Variants in NR2E3 observed in about 807,000 individuals in gnomAD.
NR2E3 encodes photoreceptor-specific nuclear receptor.
NR2E3 carries 38 observed loss-of-function variants against 37.6 expected under a neutral mutation model. That is an observed-to-expected ratio of 1.01 (90% CI 0.78 to 1.33). The LOEUF (loss-of-function observed/expected upper bound fraction) is 1.33, where lower values mean the gene tolerates loss of function less well. Ranked by LOEUF, NR2E3 falls within the 40% of genes most tolerant of loss-of-function variation. NR2E3 has a pLI of 0.00. For missense variants in NR2E3, 562 were observed against 558.7 expected (o/e 1.01, Z -0.06); for synonymous variants, 235 against 225.1 (o/e 1.04, Z -0.39).
At position 71,811,375 on chromosome 15, in the gene NR2E3, G is replaced by A; in HGVS notation, c.119-108G>A. 1.9e-6 allele frequency: 2 copies of A among 1,044,088 alleles called. No individual in the cohort carries two copies. Among genetic ancestry groups the A allele is most frequent in the Non-Finnish European group, 2.8e-6 (2 of 720,204 alleles). 64.7% of individuals were successfully genotyped at this position (1,044,088 alleles called of 1,614,324 possible). The stretch of plus-strand genomic sequence containing the variant: ...CACGCGTGGGTTCGTTCAAATGCGG[G>A]TGAGCGGGGCCTGAGGACTGGGAAA... On this transcript the variant is annotated intron_variant, in intron 1 of 7. Coordinates refer to ENST00000617575, the MANE Select transcript of NR2E3 (RefSeq NM_014249.4). This position sits in a 1 kb window ranked among gnomAD's most constrained non-coding sequence, Gnocchi z 5.6.
chr15:71,814,717 C>T (rs866686021), intron 7 of NR2E3: 1 of 986,804 alleles, frequency 1.0e-6, no homozygotes, highest in Non-Finnish European at 1.2e-6. Context: ...GAGGGTCATA[C>T]ACAGGGCTGG....
rs145338958 is a variant in NR2E3, at chr15:71,813,152, C to A, written c.748-237C>A. ...CTGCCCAACTTCCAATGGCTCTGGG[C>A]GTTCCTAAATGTCCCAGCTGCAGCT... On this transcript the variant is annotated intron_variant, in intron 5 of 7. Transcript: ENST00000617575. The surrounding 1 kb of genome is among the most constrained non-coding windows in gnomAD (Gnocchi z 4.7). Among the ~76,000 whole-genome samples the A allele has an allele frequency of 6.6e-6, 1 of 152,184 alleles. No homozygotes were observed. Among genetic ancestry groups the A allele is most frequent in the Non-Finnish European group, 1.5e-5 (1 of 68,038 alleles).
chr15:71,810,585 G>T lies in NR2E3; in HGVS notation c.-159G>T. 9.1e-7 allele frequency: 1 copy of T among 1,093,060 alleles called. No individual in the cohort carries two copies. The highest frequency in any genetic ancestry group is 1.3e-6 in the Non-Finnish European group (1 of 776,466). The allele number at this position is 1,093,060 out of a possible 1,614,324, so 67.7% of individuals were successfully genotyped here. On this transcript the variant is annotated 5_prime_UTR_variant, in exon 1 of 8. Transcript: ENST00000617575. ...CTCCTCAAGCCAGAGCCTGTGCTGT[G>T]AGGGGCTTCGGGACCTTGGGGCAGC...
chr15:71,812,547 G>C, intron 5 of NR2E3, 36 bp downstream of exon 5: 1 of 1,563,720 alleles, frequency 6.4e-7, no homozygotes, highest in Non-Finnish European at 8.7e-7. Flanking sequence ...AGCTAGGCTG[G>C]GCTGGGGTCA....
In NR2E3 at chr15:71,813,227, C is replaced by T. The variant is rs1290996477; in HGVS notation, c.748-162C>T. On this transcript the variant is annotated intron_variant, in intron 5 of 7. Coordinates refer to ENST00000617575, the MANE Select transcript of NR2E3 (RefSeq NM_014249.4). The surrounding 1 kb of genome is among the most constrained non-coding windows in gnomAD (Gnocchi z 4.7). ...TGATAGGCAGCTGAGCCGGATGGTG[C>T]CAAATCCCAGAGCTCTGAGCCTCTG... is the stretch of plus-strand genomic sequence containing the variant. Among the ~76,000 whole-genome samples the T allele has an allele frequency of 6.6e-6, 1 of 152,190 alleles. No homozygotes were observed.
rs886051453 is a variant in NR2E3 at position 71,817,785 on chromosome 15, T to C, written c.*101T>C. The C allele has an allele frequency of 2.7e-6, 3 of 1,113,520 alleles. No homozygotes were observed. In the Admixed American group the frequency reaches 6.8e-5, roughly 25 times the overall value. 69.0% of individuals were successfully genotyped at this position (1,113,520 alleles called of 1,614,324 possible). ...CCCAGCAATTCCTCGTAGGTGTGTG[T>C]ACCCAGCAGAAATGCCCACCGAAAG... On this transcript the variant is annotated 3_prime_UTR_variant, in exon 8 of 8. Transcript: ENST00000617575.
intron 4 of NR2E3, 76 bp downstream of exon 4, chr15:71,812,252 G>C: frequency 6.2e-7 from 1 of 1,609,702 alleles, no homozygotes; most frequent in Non-Finnish European, 8.5e-7. Context: ...GCCTTGCCTT[G>C]ATCCTCCCTC....
Position 71,814,120 on chromosome 15 carries a change from G to T in NR2E3, c.1100+3G>T. 6.2e-7 allele frequency: 1 copy of T among 1,609,088 alleles called. No individual in the cohort carries two copies. Among genetic ancestry groups the T allele is most frequent in the Non-Finnish European group, 8.5e-7 (1 of 1,179,570 alleles). ...CACCACCCCAGCCAGCCCGTGAGGTGACCTGAGCATGCGCCCACCCACTCA... is the reference window on the plus strand; with the variant it reads ...CACCACCCCAGCCAGCCCGTGAGGTTACCTGAGCATGCGCCCACCCACTCA... On this transcript the variant is annotated splice_donor_region_variant and intron_variant, in intron 7 of 7. Transcript: ENST00000617575.
rs771928643 is a variant in NR2E3, at chr15:71,810,810, G to C, written c.67G>C (p.Ala23Pro). 34 of 1,574,020 alleles carry C rather than the reference G, an allele frequency of 2.2e-5. No individual in the cohort carries two copies. Among genetic ancestry groups the C allele is most frequent in the Non-Finnish European group, 2.8e-5 (33 of 1,160,276 alleles). The stretch of plus-strand genomic sequence containing the variant: ...TGCAGCTGCGCCTGCAGCTGGGGCT[G>C]CCTCCAGGAAGGAGTCTCCAGGCAG... ...VAAAAPAAGA[A>P]SRKESPGRWG... The change falls in exon 1 of 8, where the codon GCC becomes CCC. Residue 23 changes from alanine (A) to proline (P), a missense_variant. By Grantham distance (27) the Ala-to-Pro change is conservative. Coordinates refer to ENST00000617575, the MANE Select transcript of NR2E3 (RefSeq NM_014249.4).
chr15:71,812,297 A>G (rs773352588), intron 4 of NR2E3, 39 bp from the exon 5 acceptor site: 2 of 1,613,504 alleles, frequency 1.2e-6, no homozygotes, highest in Non-Finnish European at 1.7e-6. Flanking sequence ...CCACCTCCCG[A>G]GAAGCAGGCG....
Position 71,817,915 on chromosome 15 carries a change from A to G in NR2E3, c.*231A>G, listed in dbSNP as rs185349250. On this transcript the variant is annotated 3_prime_UTR_variant, in exon 8 of 8. Transcript: ENST00000617575. ...GTGGTATATTCATATAATGAAAAAT[A>G]ATTTAAAAAGAATGAATTACGGATA... 445 of 353,286 alleles carry G rather than the reference A, an allele frequency of 1.3e-3. 1 individual carries two copies. The highest frequency in any genetic ancestry group is 2.9e-3 in the Admixed American group (70 of 24,000). The allele number at this position is 353,286 out of a possible 1,614,324, so 21.9% of individuals were successfully genotyped here. A position where few individuals can be genotyped will look rare whatever the true frequency, so the allele number is the denominator to read the frequency against.
Position 71,813,048 on chromosome 15 carries a change from G to A in NR2E3, c.748-341G>A, listed in dbSNP as rs1287869880. Among the ~76,000 whole-genome samples, 1 of 152,196 alleles carries A rather than the reference G, an allele frequency of 6.6e-6. No individual in the cohort carries two copies. Among genetic ancestry groups the A allele is most frequent in the Non-Finnish European group, 1.5e-5 (1 of 68,044 alleles). The stretch of plus-strand genomic sequence containing the variant: ...GGCCCTCAGCCAGTCTGTGTGCTGG[G>A]GTGGAGCAACTCAGAAGAGTCAGGC... On this transcript the variant is annotated intron_variant, in intron 5 of 7. Coordinates refer to ENST00000617575, the MANE Select transcript of NR2E3 (RefSeq NM_014249.4). The surrounding 1 kb of genome is among the most constrained non-coding windows in gnomAD (Gnocchi z 4.7).
In NR2E3 at chr15:71,813,739, C is replaced by G. The variant is rs998721642; in HGVS notation, c.994+104C>G. The stretch of plus-strand genomic sequence containing the variant: ...CATGTGTGCAGATGTGTGTAGGCCT[C>G]TATCCTGGGGGGTGGGAGGAGAGTG... On this transcript the variant is annotated intron_variant, in intron 6 of 7. Transcript: ENST00000617575. This position sits in a 1 kb window ranked among gnomAD's most constrained non-coding sequence, Gnocchi z 4.7. 2 of 1,564,352 alleles carry G rather than the reference C, an allele frequency of 1.3e-6. No homozygotes were observed. The highest frequency in any genetic ancestry group is 1.3e-5 in the African/African-American group (1 of 74,226).
Position 71,811,350 on chromosome 15 carries a change from C to G in NR2E3, c.119-133C>G. ...GAGACACTTCTCCAGATGGAAGAGTCACGCGTGGGTTCGTTCAAATGCGGG... is the reference window on the plus strand; with the variant it reads ...GAGACACTTCTCCAGATGGAAGAGTGACGCGTGGGTTCGTTCAAATGCGGG... On this transcript the variant is annotated intron_variant, in intron 1 of 7. Coordinates refer to ENST00000617575, the MANE Select transcript of NR2E3 (RefSeq NM_014249.4). This position sits in a 1 kb window ranked among gnomAD's most constrained non-coding sequence, Gnocchi z 5.6. The G allele has an allele frequency of 1.3e-6, 1 of 747,524 alleles. No individual in the cohort carries two copies. The highest frequency in any genetic ancestry group is 2.2e-6 in the Non-Finnish European group (1 of 459,236). 46.3% of individuals were successfully genotyped at this position (747,524 alleles called of 1,614,324 possible). A position where few individuals can be genotyped will look rare whatever the true frequency, so the allele number is the denominator to read the frequency against.
chr15:71,810,839 G>A lies in NR2E3; in HGVS notation c.96G>A (p.Trp32Ter). 1 of 1,564,080 alleles carries A rather than the reference G, an allele frequency of 6.4e-7. No individual in the cohort carries two copies. The change falls in exon 1 of 8, where the codon TGG becomes TGA. Residue 32 changes from tryptophan to a stop codon, truncating the protein, a stop_gained. Transcript: ENST00000617575. LOFTEE classifies it high-confidence loss of function. Reference sequence around the variant, plus strand: ...CCAGGAAGGAGTCTCCAGGCAGATGGGGCCTGGGGGAGGATCCCACAGGTA... The same window carrying A: ...CCAGGAAGGAGTCTCCAGGCAGATGAGGCCTGGGGGAGGATCCCACAGGTA... ...AASRKESPGR[W>*]GLGEDPTGVS...
In NR2E3 at chr15:71,811,673, T is replaced by C; in HGVS notation, c.245+64T>C. Reference sequence around the variant, plus strand: ...GGGTTCTGGAGGGGTGAGGGGGTGCTCAGGGGAAGAGGGGCTTGGGCAAAA... The same window carrying C: ...GGGTTCTGGAGGGGTGAGGGGGTGCCCAGGGGAAGAGGGGCTTGGGCAAAA... On this transcript the variant is annotated intron_variant, in intron 2 of 7. Transcript: ENST00000617575. The surrounding 1 kb of genome is among the most constrained non-coding windows in gnomAD (Gnocchi z 5.6). The C allele has an allele frequency of 6.4e-7, 1 of 1,570,634 alleles. No homozygotes were observed. The highest frequency in any genetic ancestry group is 8.6e-7 in the Non-Finnish European group (1 of 1,156,954).
rs763764130 is a variant in NR2E3 at position 71,811,566 on chromosome 15, A to G, written c.202A>G (p.Ser68Gly). The G allele has an allele frequency of 5.6e-6, 9 of 1,603,210 alleles. No individual in the cohort carries two copies. The highest frequency in any genetic ancestry group is 7.7e-6 in the Non-Finnish European group (9 of 1,175,532). ...TGGCATCTATGCCTGCAACGGCTGC[A>G]GCGGCTTCTTCAAGAGGAGCGTACG... ...HYGIYACNGCSGFFKRSVRRR... is the reference protein window; with the variant it reads ...HYGIYACNGCGGFFKRSVRRR... Residue 68 changes from serine to glycine, a missense_variant, in exon 2 of 8, where the codon AGC (serine) becomes GGC (glycine). Physicochemically the swap from Ser to Gly is moderately conservative, Grantham distance 56. Coordinates refer to ENST00000617575, the MANE Select transcript of NR2E3 (RefSeq NM_014249.4). The surrounding 1 kb of genome is among the most constrained non-coding windows in gnomAD (Gnocchi z 5.6).
chr15:71,816,059 G>C (rs1366241983), intron 7 of NR2E3, among the ~76,000 whole-genome samples: 1 of 152,124 alleles, frequency 6.6e-6, no homozygotes, highest in African/African-American at 2.4e-5. Context: ...AAGTCCAGCA[G>C]ATCACTGAGT....
At position 71,812,358 on chromosome 15, in the gene NR2E3, C is replaced by T; in HGVS notation, c.594C>T (p.Thr198=). ...CAGCTGATGAGAATATTGATGTCAC[C>T]AGCAATGACCCTGAGTTCCCCTCCT... ...PEDADENIDV[T]SNDPEFPSSP... The change falls in exon 5 of 8, where the codon ACC becomes ACT. Residue 198 remains threonine (T), a synonymous_variant. Transcript: ENST00000617575. 6.2e-7 allele frequency: 1 copy of T among 1,613,962 alleles called. No individual in the cohort carries two copies. Among genetic ancestry groups the T allele is most frequent in the Non-Finnish European group, 8.5e-7 (1 of 1,179,870 alleles).
Sources: gnomAD v4.1 joint callset for allele counts (sites outside exome capture counted in the v4.1 genomes callset) on GRCh38, gnomAD v4.1.1 for gene constraint, Gnocchi (gnomAD v3.1) non-coding constraint, MANE v1.5 for transcripts, NCBI Gene and HGNC (gene_info 2026-07-23, HGNC 2026-07-21) for gene names.